Variants in XKRX observed in about 807,000 individuals in gnomAD.
The protein encoded by XKRX is XK-related protein 2.
A neutral mutation model predicts 22.4 loss-of-function variants in XKRX; 11 were observed. The ratio of observed to expected loss-of-function variants is 0.49; its 90% CI spans 0.31 to 0.81. The LOEUF is 0.81. Ranked by LOEUF, XKRX falls within the 40% of genes least tolerant of loss-of-function variation. XKRX has a pLI of 0.05. For synonymous variants in XKRX, 114 were observed against 132.2 expected (o/e 0.86, Z 0.94); for missense variants, 320 against 336.5 (o/e 0.95, Z 0.38).
rs760095324 is a variant in XKRX, at chrX:100,917,633, A to G, written c.605-2550T>C. On this transcript the variant is annotated intron_variant, in intron 2 of 2. Transcript: ENST00000372956. ...AAAAGAGAGAAAGAAAGAGAAAGAA[A>G]GAAGAAAGAAAGAAAGAAAGAAAGA... Among the ~76,000 whole-genome samples the G allele has an allele frequency of 6.1e-4, 40 of 65,528 alleles. 1 individual carries two copies. The Middle Eastern group carries it at 0.023, about 37-fold the overall frequency. The allele number at this position is 65,528 out of a possible 115,157, so 56.9% of individuals were successfully genotyped here. A position where few individuals can be genotyped will look rare whatever the true frequency, so the allele number is the denominator to read the frequency against.
At chrX:100,953,286 T>TA in the XKRX span, among the ~76,000 whole-genome samples, 1 of 110,114 alleles carries the variant, frequency 9.1e-6, no homozygotes, top group Non-Finnish European at 1.9e-5. Context: ...GGACACTGTC[T>TA]AAAAAAACAA....
At chrX:100,911,521 T>C, downstream of XKRX, 1 of 633,091 alleles carries the variant, frequency 1.6e-6, no homozygotes. Flanking sequence ...TATTGAGGAC[T>C]ACAAACCAAT....
chrX:100,888,643 G>A, the XKRX span: 1 of 402,171 alleles, frequency 2.5e-6, no homozygotes, highest in African/African-American at 2.5e-5. Flanking sequence ...GGCATCCACA[G>A]GCAGAAAGGA....
chrX:100,944,123 A>C, the XKRX span, among the ~76,000 whole-genome samples: 1 of 111,714 alleles, frequency 9.0e-6, no homozygotes, highest in African/African-American at 3.3e-5. Context: ...TTTTCATTTG[A>C]GCTCTTCTGA....
chrX:100,898,005 C>T, the XKRX span, among the ~76,000 whole-genome samples: 4 of 111,374 alleles, frequency 3.6e-5, no homozygotes, highest in Admixed American at 2.9e-4. Flanking sequence ...GCTGTCCTTA[C>T]ACAAAAATTA....
the XKRX span, among the ~76,000 whole-genome samples, chrX:100,945,163 G>A: frequency 9.5e-6 from 1 of 105,806 alleles, no homozygotes. Context: ...CTGCAGCCTC[G>A]ACCTTCCTGG....
At chrX:100,947,697 C>A in the XKRX span, among the ~76,000 whole-genome samples, 1 of 111,622 alleles carries the variant, frequency 9.0e-6, no homozygotes, top group Non-Finnish European at 1.9e-5. Flanking sequence ...ATCCACTTGG[C>A]ATTTGAAAAA....
the XKRX span, among the ~76,000 whole-genome samples, chrX:100,934,664 T>C: frequency 3.6e-5 from 4 of 111,999 alleles, no homozygotes; most frequent in African/African-American, 1.3e-4. Flanking sequence ...AACAGGATTG[T>C]CTCCACTTTT....
chrX:100,926,906 G>A (rs1183662220), intron 1 of XKRX, among the ~76,000 whole-genome samples: 1 of 111,822 alleles, frequency 8.9e-6, no homozygotes, highest in Non-Finnish European at 1.9e-5. Flanking sequence ...CTGATAAACC[G>A]ACAGAGAACT....
intron 2 of XKRX, among the ~76,000 whole-genome samples, chrX:100,921,760 C>T (rs2085473148): frequency 9.2e-6 from 1 of 109,062 alleles, no homozygotes; most frequent in African/African-American, 3.3e-5. Context: ...GTAACTTCCT[C>T]CAAAGATCAC....
At chrX:100,893,521 G>A in the XKRX span, among the ~76,000 whole-genome samples, 2 of 112,094 alleles carry the variant, frequency 1.8e-5, no homozygotes, top group Non-Finnish European at 3.8e-5. Context: ...ACATATGTTT[G>A]TCACAGCATT....
chrX:100,922,969 A>T lies in XKRX; in HGVS notation c.428T>A (p.Ile143Lys). 1 of 1,211,604 alleles carries T rather than the reference A, an allele frequency of 8.3e-7. No individual in the cohort carries two copies. Among genetic ancestry groups the T allele is most frequent in the Non-Finnish European group, 1.1e-6 (1 of 895,466 alleles). The change falls in exon 2 of 3, where the codon ATA becomes AAA. Residue 143 changes from isoleucine (I) to lysine (K), a missense_variant. Transcript: ENST00000372956. ...YVSLTRKKML[I>K]DGEEVLIEWE... Reference sequence around the variant, plus strand: ...TTCTATCAGCACCTCCTCGCCATCTATTAGCATCTTCTTTCGGGTGAGGCT... The same window carrying T: ...TTCTATCAGCACCTCCTCGCCATCTTTTAGCATCTTCTTTCGGGTGAGGCT...
chrX:100,957,092 G>T, the XKRX span: 1 of 1,157,818 alleles, frequency 8.6e-7, no homozygotes, highest in Non-Finnish European at 1.2e-6. Context: ...TTTACCCTGT[G>T]GTGTTCAGTC....
chrX:100,910,795 A>G, downstream of XKRX: 1 of 779,929 alleles, frequency 1.3e-6, no homozygotes, highest in Non-Finnish European at 2.0e-6. Context: ...AAAGAAGGAA[A>G]GTCGAGAGGC....
At chrX:100,931,957 C>T (rs1025424326), upstream of XKRX, among the ~76,000 whole-genome samples, 2 of 111,617 alleles carry the variant, frequency 1.8e-5, no homozygotes, top group Non-Finnish European at 3.8e-5. Flanking sequence ...GAGTGTAGCA[C>T]CAAAATTATT....
chrX:100,888,507 T>C, the XKRX span: 1 of 769,896 alleles, frequency 1.3e-6, no homozygotes, highest in East Asian at 3.2e-5. Flanking sequence ...CTCCTCAGGC[T>C]CTCGTCGGTT....
chrX:100,909,831 AG>A (rs1243076865), downstream of XKRX, among the ~76,000 whole-genome samples: 1 of 103,716 alleles, frequency 9.6e-6, no homozygotes, highest in Non-Finnish European at 2.0e-5. Context: ...TGAACCCACA[AG>A]GCGGATGTTG....
chrX:100,901,389 C>A, the XKRX span, among the ~76,000 whole-genome samples: 1 of 111,096 alleles, frequency 9.0e-6, no homozygotes, highest in African/African-American at 3.3e-5. Context: ...AGTCTTTGAA[C>A]AAAAGAGGCA....
chrX:100,959,292 A>G, the XKRX span, among the ~76,000 whole-genome samples: 1 of 111,979 alleles, frequency 8.9e-6, no homozygotes, highest in African/African-American at 3.2e-5. Context: ...CAGTACCAAT[A>G]AAGTATTTTA....
Sources: gnomAD v4.1 joint callset for allele counts (sites outside exome capture counted in the v4.1 genomes callset) on GRCh38, gnomAD v4.1.1 for gene constraint, MANE v1.5 for transcripts, NCBI Gene and HGNC (gene_info 2026-07-23, HGNC 2026-07-21) for gene names.